PDZD8: variants seen among roughly 807,000 people sequenced by gnomAD.
PDZD8 encodes the protein PDZ domain-containing protein 8.
Under a neutral mutation model 85.8 loss-of-function variants are expected in PDZD8, and 14 were observed. The ratio of observed to expected loss-of-function variants is 0.16; its 90% CI spans 0.11 to 0.26. The LOEUF (loss-of-function observed/expected upper bound fraction) is 0.26, where lower values mean the gene tolerates loss of function less well. Ranked by LOEUF, PDZD8 falls within the 10% of genes least tolerant of loss-of-function variation. The pLI, the probability that PDZD8 is intolerant of heterozygous loss-of-function variation, is 1.00. For synonymous variants in PDZD8, 592 were observed against 568.6 expected (o/e 1.04, Z -0.59); for missense variants, 1,197 against 1,424.3 (o/e 0.84, Z 2.57).
chr10:117,370,612 T>C (rs527976949), intron 1 of PDZD8, among the ~76,000 whole-genome samples: 3 of 152,104 alleles, frequency 2.0e-5, no homozygotes, highest in African/African-American at 7.2e-5. Flanking sequence ...GAGGCCGAGG[T>C]GGGTAGACTG....
intron 2 of PDZD8, among the ~76,000 whole-genome samples, chr10:117,331,161 G>A (rs990582290): frequency 3.3e-5 from 5 of 152,094 alleles, no homozygotes; most frequent in African/African-American, 4.8e-5. Flanking sequence ...TGTATTCATC[G>A]TAGTATTTAG....
chr10:117,345,974 C>T (rs977778059), intron 1 of PDZD8, among the ~76,000 whole-genome samples: 3 of 152,112 alleles, frequency 2.0e-5, no homozygotes, highest in African/African-American at 7.2e-5. Flanking sequence ...GGCGCGGTGG[C>T]TCAAGCCTGT....
At position 117,358,304 on chromosome 10, in the gene PDZD8, T is replaced by C. The variant is rs143696589; in HGVS notation, c.872+16052A>G. On this transcript the variant is annotated intron_variant, in intron 1 of 4. Coordinates refer to ENST00000334464, the MANE Select transcript of PDZD8 (RefSeq NM_173791.5). ...TACTGTGGGGATTCAATGGATAATA[T>C]GCATATAAAAGTATAGTATTGTCCC... is the stretch of plus-strand genomic sequence containing the variant. Among the ~76,000 whole-genome samples the C allele has an allele frequency of 1.7e-4, 26 of 152,258 alleles. No homozygotes were observed. In the East Asian group the frequency reaches 4.1e-3, roughly 24 times the overall value.
intron 2 of PDZD8, among the ~76,000 whole-genome samples, chr10:117,328,222 T>A (rs180928773): frequency 1.3e-5 from 2 of 152,292 alleles, no homozygotes; most frequent in Admixed American, 1.3e-4. Context: ...CTCCTACAAG[T>A]TCCAGATTTG....
At chr10:117,303,429 A>G (rs1270381713) in intron 3 of PDZD8, among the ~76,000 whole-genome samples, 1 of 152,218 alleles carries the variant, frequency 6.6e-6, no homozygotes, top group East Asian at 1.9e-4. Flanking sequence ...ATTTGGTTTT[A>G]TAAGGGAAAC....
chr10:117,283,271 C>T lies in PDZD8; in HGVS notation c.3462G>A (p.Val1154=). 1 of 1,607,878 alleles carries T rather than the reference C, an allele frequency of 6.2e-7. No individual in the cohort carries two copies. Among genetic ancestry groups the T allele is most frequent in the Non-Finnish European group, 8.5e-7 (1 of 1,177,832 alleles). ...SDDLFGPSES[V] The stretch of plus-strand genomic sequence containing the variant: ...AAAGCTTAAATAGACCTGTCTGCTA[C>T]ACAGACTCGGATGGGCCAAATAAGT... The change falls in exon 5 of 5, where the codon GTG becomes GTA. Residue 1154 remains valine, a synonymous_variant. Transcript: ENST00000334464.
chr10:117,316,437 C>T (rs1844130483), intron 3 of PDZD8, among the ~76,000 whole-genome samples: 1 of 152,082 alleles, frequency 6.6e-6, no homozygotes, highest in Admixed American at 6.6e-5. Context: ...CTTTGGGAGG[C>T]TAAGGTGGGA....
At chr10:117,338,520 G>C (rs757086395) in intron 2 of PDZD8, among the ~76,000 whole-genome samples, 2 of 152,084 alleles carry the variant, frequency 1.3e-5, no homozygotes, top group African/African-American at 2.4e-5. Flanking sequence ...TTTTGACCAG[G>C]TGATAAATAA....
intron 3 of PDZD8, among the ~76,000 whole-genome samples, chr10:117,305,349 G>A (rs75579934): frequency 1.3e-5 from 2 of 151,936 alleles, no homozygotes. Flanking sequence ...GAGGCAAGAG[G>A]TTGCAGTGAG....
intron 1 of PDZD8, among the ~76,000 whole-genome samples, chr10:117,346,738 CCTTGTCACCA>C (rs2133856280): frequency 6.6e-6 from 1 of 152,058 alleles, no homozygotes; most frequent in South Asian, 2.1e-4. Context: ...GCCCTCTTTT[CCTTGTCACCA>C]CTTTTAGGGT....
At chr10:117,324,595 G>A (rs1844283809) in intron 2 of PDZD8, among the ~76,000 whole-genome samples, 1 of 152,046 alleles carries the variant, frequency 6.6e-6, no homozygotes, top group Non-Finnish European at 1.5e-5. Flanking sequence ...TAAGTACTCT[G>A]GAATACAAGT....
In PDZD8 at chr10:117,279,806, C is replaced by T. The variant is rs1407561519; in HGVS notation, c.*3462G>A. ...TCTGATACATTTTGAATGGTGTGCC[C>T]ATGGGTATCTTCCTGCGGTGAAAGT... On this transcript the variant is annotated 3_prime_UTR_variant, in exon 5 of 5. Coordinates refer to ENST00000334464, the MANE Select transcript of PDZD8 (RefSeq NM_173791.5). 2 of 152,150 alleles carry T rather than the reference C, an allele frequency of 1.3e-5. No individual in the cohort carries two copies. Among genetic ancestry groups the T allele is most frequent in the Non-Finnish European group, 2.9e-5 (2 of 68,026 alleles). 9.4% of individuals were successfully genotyped at this position (152,150 alleles called of 1,614,324 possible).
intron 1 of PDZD8, among the ~76,000 whole-genome samples, chr10:117,372,077 A>G (rs1453534832): frequency 1.3e-5 from 2 of 152,262 alleles, no homozygotes; most frequent in Non-Finnish European, 2.9e-5. Flanking sequence ...AAGGATAAGC[A>G]TATAGCAGGT....
chr10:117,375,307 A>C lies in PDZD8; in HGVS notation c.-80T>G. 7.7e-7 allele frequency: 1 copy of C among 1,301,700 alleles called. No individual in the cohort carries two copies. The highest frequency in any genetic ancestry group is 1.0e-6 in the Non-Finnish European group (1 of 992,976). The allele number at this position is 1,301,700 out of a possible 1,614,324, so 80.6% of individuals were successfully genotyped here. On this transcript the variant is annotated 5_prime_UTR_variant, in exon 1 of 5. An upstream start codon of the reference 5' UTR is lost. Transcript: ENST00000334464. ...TCACGCCGCCGCCCCCGCTGCCTCC[A>C]TTTTGAGGACATCGGGCGGCTGGGT...
rs945079873 is a variant in PDZD8, at chr10:117,368,797, A to AT, written c.872+5558dup. On this transcript the variant is annotated intron_variant, in intron 1 of 4. Coordinates refer to ENST00000334464, the MANE Select transcript of PDZD8 (RefSeq NM_173791.5). Reference sequence around the variant, plus strand: ...AGAAAAATGGATTGCATTTCAAGGCATTTTTTTTTTTCTGGCAGAGTGACT... The same window carrying AT: ...AGAAAAATGGATTGCATTTCAAGGCATTTTTTTTTTTTCTGGCAGAGTGACT... Among the ~76,000 whole-genome samples, 189 of 136,984 alleles carry AT rather than the reference A, an allele frequency of 1.4e-3. 1 individual carries two copies. Among genetic ancestry groups the AT allele is most frequent in the African/African-American group, 2.1e-3 (78 of 37,296 alleles). The allele number at this position is 136,984 out of a possible 152,430, so 89.9% of individuals were successfully genotyped here. A position where few individuals can be genotyped will look rare whatever the true frequency, so the allele number is the denominator to read the frequency against.
intron 2 of PDZD8, among the ~76,000 whole-genome samples, chr10:117,339,765 C>T (rs1218344576): frequency 6.6e-6 from 1 of 152,136 alleles, no homozygotes; most frequent in Non-Finnish European, 1.5e-5. Context: ...TACTATCTGG[C>T]CCCTTAGAGA....
At chr10:117,322,843 T>C (rs1266488137) in intron 2 of PDZD8, among the ~76,000 whole-genome samples, 1 of 152,138 alleles carries the variant, frequency 6.6e-6, no homozygotes, top group African/African-American at 2.4e-5. Context: ...TAACATAAAG[T>C]TGTCCAGCAG....
chr10:117,355,136 T>A, intron 1 of PDZD8, among the ~76,000 whole-genome samples: 1 of 152,178 alleles, frequency 6.6e-6, no homozygotes, highest in South Asian at 2.1e-4. Context: ...AAAGGACAAT[T>A]CATACACAAG....
At chr10:117,349,674 G>A (rs185125966) in intron 1 of PDZD8, among the ~76,000 whole-genome samples, 8 of 152,152 alleles carry the variant, frequency 5.3e-5, no homozygotes, top group Non-Finnish European at 8.8e-5. Flanking sequence ...ATGGTGGTGC[G>A]CTCCTGTAGT....
Sources: gnomAD v4.1 joint callset for allele counts (sites outside exome capture counted in the v4.1 genomes callset) on GRCh38, gnomAD v4.1.1 for gene constraint, MANE v1.5 for transcripts, NCBI Gene and HGNC (gene_info 2026-07-23, HGNC 2026-07-21) for gene names.